Variants in PPP1R13L observed in about 807,000 individuals in gnomAD.
PPP1R13L encodes the protein relA-associated inhibitor.
In PPP1R13L, 50 loss-of-function variants were observed where a neutral mutation model predicts 80.9. That is an observed-to-expected ratio of 0.62 (90% CI 0.49 to 0.78). PPP1R13L has a LOEUF of 0.78. Ranked by LOEUF, PPP1R13L falls within the 30% of genes least tolerant of loss-of-function variation. PPP1R13L has a pLI of 0.00. For missense variants in PPP1R13L, 1,200 were observed against 1,205.9 expected (o/e 1.00, Z 0.07); for synonymous variants, 602 against 534.3 (o/e 1.13, Z -1.75).
chr19:45,402,224 A>T (rs907018451), intron 1 of PPP1R13L: 1 of 152,168 alleles, frequency 6.6e-6, no homozygotes, highest in Non-Finnish European at 1.5e-5. Flanking sequence ...GTGCAGCCCT[A>T]ATGCCAGCTG....
chr19:45,393,784 A>T (rs1973027263), intron 7 of PPP1R13L, among the ~76,000 whole-genome samples: 1 of 151,938 alleles, frequency 6.6e-6, no homozygotes, highest in Admixed American at 6.6e-5. Context: ...GAGGCAGGAG[A>T]ATGGCGTGAA....
upstream of PPP1R13L, among the ~76,000 whole-genome samples, chr19:45,405,241 C>G (rs1044017726): frequency 2.0e-5 from 3 of 152,142 alleles, no homozygotes; most frequent in Non-Finnish European, 4.4e-5. Flanking sequence ...GTCCATTTCA[C>G]AGACAGGAAG....
Position 45,394,076 on chromosome 19 carries a change from A to G in PPP1R13L, c.1354+1360T>C, listed in dbSNP as rs1033022774. ...TAGCAGTGAAGAGAGACTCCAGCCC[A>G]TCTGCTTAACTCACTGATCTCACAC... On this transcript the variant is annotated intron_variant, in intron 7 of 12. Coordinates refer to ENST00000360957, the MANE Select transcript of PPP1R13L (RefSeq NM_006663.4). 6.6e-5 allele frequency among the ~76,000 whole-genome samples: 10 copies of G among 152,296 alleles called. No homozygotes were observed. In the South Asian group the frequency reaches 1.2e-3, roughly 19 times the overall value.
chr19:45,396,118 C>G lies in PPP1R13L; in HGVS notation c.903+50G>C, dbSNP rs771694268. On this transcript the variant is annotated intron_variant, in intron 6 of 12. Coordinates refer to ENST00000360957, the MANE Select transcript of PPP1R13L (RefSeq NM_006663.4). This position sits in a 1 kb window ranked among gnomAD's most constrained non-coding sequence, Gnocchi z 5.3. ...CTGGCCTTGACCCCGCTCCCCCACC[C>G]CACTCCTCGACCTTCCCCAGCCTCT... is the stretch of plus-strand genomic sequence containing the variant. 6 of 1,542,648 alleles carry G rather than the reference C, an allele frequency of 3.9e-6. No individual in the cohort carries two copies. In the Admixed American group the frequency reaches 1.2e-4, roughly 30 times the overall value.
At chr19:45,394,605 G>A (rs1223945050) in intron 7 of PPP1R13L, 1 of 150,590 alleles carries the variant, frequency 6.6e-6, no homozygotes, top group Non-Finnish European at 1.5e-5. Context: ...TAGGACTACA[G>A]TGGTGAGCCA....
intron 11 of PPP1R13L, 50 bp downstream of exon 11, chr19:45,385,512 G>C: frequency 6.5e-7 from 1 of 1,541,396 alleles, no homozygotes; most frequent in Non-Finnish European, 8.8e-7. Context: ...TCCCCTCCCC[G>C]CTCCTGCGCA....
chr19:45,386,871 G>A (rs537520790), intron 8 of PPP1R13L, among the ~76,000 whole-genome samples: 11 of 151,600 alleles, frequency 7.3e-5, no homozygotes, highest in Admixed American at 3.9e-4. Context: ...CCTGACCTCA[G>A]GTGATCCACC....
intron 11 of PPP1R13L, among the ~76,000 whole-genome samples, chr19:45,383,369 A>G (rs1972805960): frequency 7.8e-6 from 1 of 128,492 alleles, no homozygotes; most frequent in Non-Finnish European, 1.5e-5. Context: ...GTGCGGTCTC[A>G]CTGCAACCTC....
chr19:45,379,854 C>A lies in PPP1R13L; in HGVS notation c.*336G>T. The A allele has an allele frequency of 4.1e-6, 1 of 241,034 alleles. No homozygotes were observed. Among genetic ancestry groups the A allele is most frequent in the African/African-American group, 2.3e-5 (1 of 43,962 alleles). The allele number at this position is 241,034 out of a possible 1,614,324, so 14.9% of individuals were successfully genotyped here. On this transcript the variant is annotated 3_prime_UTR_variant, in exon 13 of 13. Transcript: ENST00000360957. ...GTGGTGTGGTGGCCCATCCCAGGCC[C>A]GGCTGGGCAGGTGGCTGGCTTGCTG...
intron 8 of PPP1R13L, among the ~76,000 whole-genome samples, chr19:45,390,136 G>T (rs1972942676): frequency 6.6e-6 from 1 of 152,054 alleles, no homozygotes; most frequent in Non-Finnish European, 1.5e-5. Flanking sequence ...TGTCGCCCAG[G>T]CTGGAGTGCA....
intron 8 of PPP1R13L, among the ~76,000 whole-genome samples, chr19:45,386,631 CTTT>C (rs34881055): frequency 0.21 from 28,052 of 133,200 alleles, 2,906 homozygotes; most frequent in East Asian, 0.41. Context: ...TTCTTTTTCT[CTTT>C]TTTTTTTTTT....
chr19:45,390,647 G>T (rs180780653), intron 8 of PPP1R13L, among the ~76,000 whole-genome samples: 78 of 152,210 alleles, frequency 5.1e-4, no homozygotes, highest in Non-Finnish European at 9.1e-4. Flanking sequence ...TGATGCTCCC[G>T]GCCGAATAAA....
upstream of PPP1R13L, among the ~76,000 whole-genome samples, chr19:45,405,749 G>A (rs990677732): frequency 6.6e-5 from 10 of 152,210 alleles, no homozygotes; most frequent in African/African-American, 2.4e-4. Flanking sequence ...AGAGGGGGCG[G>A]GAAGTGGCGC....
intron 11 of PPP1R13L, 83 bp from the exon 12 acceptor site, chr19:45,382,809 C>T: frequency 2.2e-6 from 3 of 1,374,300 alleles, no homozygotes; most frequent in Non-Finnish European, 3.0e-6. Flanking sequence ...AGGACAGACC[C>T]TGGAATTTGG....
chr19:45,389,341 T>A (rs1372546424), intron 8 of PPP1R13L, among the ~76,000 whole-genome samples: 1 of 152,180 alleles, frequency 6.6e-6, no homozygotes, highest in Non-Finnish European at 1.5e-5. Flanking sequence ...AAGTGATCTC[T>A]TCCCGCTGTC....
At chr19:45,383,579 GCCACCT>G (rs2123349015) in intron 11 of PPP1R13L, among the ~76,000 whole-genome samples, 1 of 152,220 alleles carries the variant, frequency 6.6e-6, no homozygotes, top group Non-Finnish European at 1.5e-5. Flanking sequence ...ACAGGCGTGA[GCCACCT>G]GGCCCGGCCC....
rs547035002 is a variant in PPP1R13L, at chr19:45,390,082, C to T, written c.1815+1798G>A. Among the ~76,000 whole-genome samples the T allele has an allele frequency of 6.0e-5, 9 of 150,488 alleles. 1 individual carries two copies. Among genetic ancestry groups the T allele is most frequent in the African/African-American group, 2.2e-4 (9 of 40,822 alleles). On this transcript the variant is annotated intron_variant, in intron 8 of 12. Coordinates refer to ENST00000360957, the MANE Select transcript of PPP1R13L (RefSeq NM_006663.4). ...CTGGGATTACAGGCATGAACCACCA[C>T]GCCCGGCCTATTTATTTATTTATTT...
At chr19:45,382,996 C>CTTTTTTTTTTTTT (rs60366714) in intron 11 of PPP1R13L, among the ~76,000 whole-genome samples, 1 of 126,272 alleles carries the variant, frequency 7.9e-6, no homozygotes, top group African/African-American at 3.1e-5. Context: ...TCTTTTCTTT[C>CTTTTTTTTTTTTT]TTTTTTTTTT....
Position 45,395,768 on chromosome 19 carries a change from G to A in PPP1R13L, c.1022C>T (p.Thr341Ile), listed in dbSNP as rs1323914283. ...GACGGGCTGCCAGCTGCGAGGCAAA[G>A]TGCCCGACGGCCCCGCGGAGCCCAG... ...RSLGSAGPSGTLPRSWQPVSR... is the reference protein window; with the variant it reads ...RSLGSAGPSGILPRSWQPVSR... The change falls in exon 7 of 13, where the codon ACT becomes ATT. Residue 341 changes from threonine to isoleucine, a missense_variant. This residue lies in a region of PPP1R13L where 764 missense variants were observed against 714.5 expected (regional missense o/e 1.07). Coordinates refer to ENST00000360957, the MANE Select transcript of PPP1R13L (RefSeq NM_006663.4). 2 of 1,552,686 alleles carry A rather than the reference G, an allele frequency of 1.3e-6. No homozygotes were observed. The highest frequency in any genetic ancestry group is 1.9e-5 in the Admixed American group (1 of 52,178).
Sources: gnomAD v4.1 joint callset for allele counts (sites outside exome capture counted in the v4.1 genomes callset) on GRCh38, gnomAD v4.1.1 for gene constraint, gnomAD v4.1.1 regional missense constraint, Gnocchi (gnomAD v3.1) non-coding constraint, MANE v1.5 for transcripts, NCBI Gene and HGNC (gene_info 2026-07-23, HGNC 2026-07-21) for gene names.